Variants in GRXCR1 observed in about 807,000 individuals in gnomAD.
GRXCR1 encodes glutaredoxin domain-containing cysteine-rich protein 1.
Under a neutral mutation model 27.3 loss-of-function variants are expected in GRXCR1, and 27 were observed. The ratio of observed to expected loss-of-function variants is 0.99; its 90% CI spans 0.73 to 1.37. GRXCR1 has a LOEUF of 1.37. Ranked by LOEUF, GRXCR1 falls within the 40% of genes most tolerant of loss-of-function variation. The pLI is 0.00. For synonymous variants in GRXCR1, 122 were observed against 131.1 expected (o/e 0.93, Z 0.47); for missense variants, 379 against 354.4 (o/e 1.07, Z -0.56).
intron 1 of GRXCR1, among the ~76,000 whole-genome samples, chr4:42,939,106 T>C (rs527471979): frequency 6.6e-6 from 1 of 152,176 alleles, no homozygotes; most frequent in East Asian, 1.9e-4. Context: ...CTAGACATTT[T>C]AACAATGTTG....
intron 2 of GRXCR1, among the ~76,000 whole-genome samples, chr4:42,983,946 C>T (rs1428599281): frequency 6.6e-6 from 1 of 151,706 alleles, no homozygotes; most frequent in Non-Finnish European, 1.5e-5. Context: ...AGCAATTCTC[C>T]TGCCTCAGCT....
At chr4:42,969,075 G>A (rs1293013997) in intron 2 of GRXCR1, among the ~76,000 whole-genome samples, 2 of 152,122 alleles carry the variant, frequency 1.3e-5, no homozygotes, top group Non-Finnish European at 2.9e-5. Context: ...AATAAGGGCT[G>A]CAGAGATGGT....
intron 2 of GRXCR1, among the ~76,000 whole-genome samples, chr4:42,964,233 T>TA (rs997366164): frequency 1.5e-4 from 23 of 151,856 alleles, no homozygotes; most frequent in Non-Finnish European, 2.5e-4. Context: ...ACAATCATGG[T>TA]AAAAAAATAA....
intron 2 of GRXCR1, among the ~76,000 whole-genome samples, chr4:43,005,147 C>T (rs1261920411): frequency 6.6e-6 from 1 of 152,128 alleles, no homozygotes; most frequent in Non-Finnish European, 1.5e-5. Context: ...GCAGTTCCCC[C>T]CTCACTCTCT....
chr4:42,938,683 G>C (rs2109761584), intron 1 of GRXCR1, among the ~76,000 whole-genome samples: 1 of 152,032 alleles, frequency 6.6e-6, no homozygotes. Context: ...TTTTGTATAT[G>C]GTGAGAGATA....
intron 1 of GRXCR1, among the ~76,000 whole-genome samples, chr4:42,919,488 A>T (rs1379833567): frequency 6.6e-6 from 1 of 152,162 alleles, no homozygotes; most frequent in South Asian, 2.1e-4. Flanking sequence ...ATGATACGCT[A>T]CAAAACTTTA....
intron 1 of GRXCR1, among the ~76,000 whole-genome samples, chr4:42,903,721 G>GT (rs1746521924): frequency 7.1e-6 from 1 of 141,622 alleles, no homozygotes; most frequent in African/African-American, 2.5e-5. Context: ...CAAGGCCAAT[G>GT]TTTCCTGCTT....
At chr4:43,021,160 C>G (rs1713081402) in intron 3 of GRXCR1, among the ~76,000 whole-genome samples, 1 of 152,120 alleles carries the variant, frequency 6.6e-6, no homozygotes, top group Non-Finnish European at 1.5e-5. Flanking sequence ...AACCTAATTT[C>G]TGATTCTCTA....
rs141169156 is a variant in GRXCR1 at position 42,909,661 on chromosome 4, T to C, written c.384+16011T>C. Among the ~76,000 whole-genome samples, 65 of 152,318 alleles carry C rather than the reference T, an allele frequency of 4.3e-4. 1 individual carries two copies. Among genetic ancestry groups the C allele is most frequent in the African/African-American group, 1.4e-3 (59 of 41,594 alleles). The stretch of plus-strand genomic sequence containing the variant: ...GTAACTTTACGTCTATGTTGCAGTA[T>C]GAAATATGAAGAAACTCTTCCTATT... On this transcript the variant is annotated intron_variant, in intron 1 of 3. Coordinates refer to ENST00000399770, the MANE Select transcript of GRXCR1 (RefSeq NM_001080476.3).
intron 3 of GRXCR1, 30 bp downstream of exon 3, chr4:43,020,449 G>T: frequency 7.2e-7 from 1 of 1,383,152 alleles, no homozygotes. Flanking sequence ...CTTAGTTTTA[G>T]TAATCAAAAT....
In GRXCR1 at chr4:43,006,784, C is replaced by T. The variant is rs533379640; in HGVS notation, c.628-13570C>T. ...TGACCCACACCTATTCACACACTCC[C>T]TCTCCTTTTGAAAATCCCTGATAAA... On this transcript the variant is annotated intron_variant, in intron 2 of 3. Coordinates refer to ENST00000399770, the MANE Select transcript of GRXCR1 (RefSeq NM_001080476.3). Among the ~76,000 whole-genome samples the T allele has an allele frequency of 3.3e-5, 5 of 152,294 alleles. No individual in the cohort carries two copies. The East Asian group carries it at 7.7e-4, about 24-fold the overall frequency.
chr4:42,976,019 T>C (rs1264331444), intron 2 of GRXCR1, among the ~76,000 whole-genome samples: 1 of 152,160 alleles, frequency 6.6e-6, no homozygotes, highest in Non-Finnish European at 1.5e-5. Context: ...GTCTTTATCA[T>C]TTCACAGATT....
In GRXCR1 at chr4:42,990,173, C is replaced by CTTTTTTTTTTTTTTTTTTTTTTT. The variant is rs745784596; in HGVS notation, c.627+27053_627+27075dup. 1.3e-4 allele frequency among the ~76,000 whole-genome samples: 6 copies of CTTTTTTTTTTTTTTTTTTTTTTT among 46,200 alleles called. 2 individuals carry two copies. Among genetic ancestry groups the CTTTTTTTTTTTTTTTTTTTTTTT allele is most frequent in the South Asian group, 2.2e-3 (2 of 904 alleles). 30.3% of individuals were successfully genotyped at this position (46,200 alleles called of 152,430 possible). A position where few individuals can be genotyped will look rare whatever the true frequency, so the allele number is the denominator to read the frequency against. ...AACTTCTTGAATTGAATTATTAGTT[C>CTTTTTTTTTTTTTTTTTTTTTTT]TTTTTTTTTTTTTTTTTTTTTTTTT... On this transcript the variant is annotated intron_variant, in intron 2 of 3. Transcript: ENST00000399770.
At chr4:42,914,597 G>A (rs1208191874) in intron 1 of GRXCR1, among the ~76,000 whole-genome samples, 1 of 152,110 alleles carries the variant, frequency 6.6e-6, no homozygotes, top group Non-Finnish European at 1.5e-5. Context: ...TTTGGACTTG[G>A]ACTTTTGAGT....
chr4:43,020,593 G>A (rs1164955892), intron 3 of GRXCR1, among the ~76,000 whole-genome samples, 174 bp downstream of exon 3: 3 of 152,172 alleles, frequency 2.0e-5, no homozygotes, highest in Non-Finnish European at 4.4e-5. Flanking sequence ...TGCAGCTAGA[G>A]TGACTTTAAT....
intron 1 of GRXCR1, among the ~76,000 whole-genome samples, chr4:42,936,184 TG>T (rs1560656006): frequency 1.3e-5 from 2 of 151,766 alleles, no homozygotes; most frequent in African/African-American, 4.8e-5. Context: ...TATTAGAAAA[TG>T]AGATGGTCAA....
chr4:42,940,225 A>T (rs376386062), intron 1 of GRXCR1, among the ~76,000 whole-genome samples: 2 of 152,010 alleles, frequency 1.3e-5, no homozygotes, highest in Non-Finnish European at 2.9e-5. Flanking sequence ...TCTCCCTCTC[A>T]TGCTAGTACA....
At chr4:42,942,152 A>T (rs1045260840) in intron 1 of GRXCR1, among the ~76,000 whole-genome samples, 1 of 152,084 alleles carries the variant, frequency 6.6e-6, no homozygotes, top group Non-Finnish European at 1.5e-5. Flanking sequence ...AACAACAATG[A>T]AATTATTTCT....
intron 2 of GRXCR1, among the ~76,000 whole-genome samples, chr4:42,981,906 A>G (rs1054032466): frequency 1.4e-4 from 21 of 151,592 alleles, no homozygotes; most frequent in African/African-American, 5.1e-4. Flanking sequence ...GTTTTGGAAT[A>G]CTCTTGTTTG....
Sources: allele counts gnomAD v4.1 joint callset (sites outside exome capture counted in the v4.1 genomes callset), GRCh38; gene constraint gnomAD v4.1.1; transcripts MANE v1.5; gene names NCBI Gene and HGNC (gene_info 2026-07-23, HGNC 2026-07-21).